The following ESF1 variants were observed in gnomAD, a reference collection of about 807,000 sequenced individuals.
ESF1 encodes the protein ESF1 homolog.
A neutral mutation model predicts 92.0 loss-of-function variants in ESF1; 58 were observed. The ratio of observed to expected loss-of-function variants is 0.63; its 90% confidence interval spans 0.51 to 0.78. The LOEUF is 0.78. ESF1 is among the 30% of genes least tolerant of loss of function. ESF1 has a pLI of 0.00. For synonymous variants in ESF1, 321 were observed against 313.7 expected (o/e 1.02, Z -0.24); for missense variants, 922 against 989.1 (o/e 0.93, Z 0.91).
intron 9 of ESF1, among the ~76,000 whole-genome samples, chr20:13,742,530 A>G (rs2050021237): frequency 6.6e-6 from 1 of 152,146 alleles, no homozygotes; most frequent in African/African-American, 2.4e-5. Context: ...TTATACTCCT[A>G]ACACAAATAC....
intron 8 of ESF1, among the ~76,000 whole-genome samples, chr20:13,760,864 C>G (rs1036026445): frequency 2.0e-5 from 3 of 152,256 alleles, no homozygotes; most frequent in Admixed American, 6.5e-5. Context: ...CCGGCCACCA[C>G]CCCGTCTGGG....
intron 11 of ESF1, among the ~76,000 whole-genome samples, chr20:13,720,365 T>A (rs1266625025): frequency 6.6e-6 from 1 of 152,016 alleles, no homozygotes; most frequent in Non-Finnish European, 1.5e-5. Flanking sequence ...CCTCAGCAAG[T>A]CATCTTTGGA....
At position 13,772,536 on chromosome 20, in the gene ESF1, T is replaced by C. The variant is rs756665691; in HGVS notation, c.1229A>G (p.Glu410Gly). The change falls in exon 5 of 14, where the codon GAA (glutamate) becomes GGA (glycine). Residue 410 changes from glutamate to glycine, a missense_variant. Glu to Gly is a moderately conservative substitution (Grantham distance 98). Transcript: ENST00000617257. ...ATACCAGTCTTTTTCTGGGGCATCT[T>C]CAGGAATACTTAATAGCTCTACTGG... ...QGPVELLSIP[E>G]DAPEKDWTSR... The C allele has an allele frequency of 3.1e-6, 5 of 1,612,020 alleles. No homozygotes were observed. In the Admixed American group the frequency reaches 5.0e-5, roughly 16 times the overall value.
chr20:13,725,116 C>G (rs2049892798), intron 11 of ESF1, among the ~76,000 whole-genome samples: 1 of 152,228 alleles, frequency 6.6e-6, no homozygotes, highest in South Asian at 2.1e-4. Context: ...CTCCTGCACC[C>G]TGCCCCCTCC....
intron 8 of ESF1, chr20:13,762,854 GTTTTTTTTTTT>G (rs33986564): frequency 3.7e-5 from 7 of 186,860 alleles, no homozygotes; most frequent in African/African-American, 2.0e-4. Flanking sequence ...ATTTATTAAA[GTTTTTTTTTTT>G]TTTTTTTTTT....
At position 13,715,440 on chromosome 20, in the gene ESF1, C is replaced by T. The variant is rs1013634731; in HGVS notation, c.2263-273G>A. Among the ~76,000 whole-genome samples the T allele has an allele frequency of 4.6e-5, 7 of 151,996 alleles. No individual in the cohort carries two copies. In the South Asian group the frequency reaches 8.3e-4, roughly 18 times the overall value. ...GGGCCATACATATACATATTATGGC[C>T]GGTAACTACAACGACCACTTAGACA... On this transcript the variant is annotated intron_variant, in intron 13 of 13. Coordinates refer to ENST00000617257, the MANE Select transcript of ESF1 (RefSeq NM_001276380.2).
At chr20:13,748,319 T>A (rs1382841392) in intron 9 of ESF1, among the ~76,000 whole-genome samples, 1 of 151,848 alleles carries the variant, frequency 6.6e-6, no homozygotes, top group Non-Finnish European at 1.5e-5. Context: ...TAATGTAGTA[T>A]TGTGTGTGAA....
chr20:13,752,920 TGTGAGACAGTAAGAGAAGTCCTTGCCAGC>T lies in ESF1; in HGVS notation c.1828+6743_1828+6771del, dbSNP rs1255603897. On this transcript the variant is annotated intron_variant, in intron 9 of 13. Transcript: ENST00000617257. ...AGTCAAAAAGGGACTCCTCTTGCTG[TGTGAGACAGTAAGAGAAGTCCTTGCCAGC>T]GTGAGACAGTAAGGGGCACCTCTAG... Among the ~76,000 whole-genome samples, 3 of 152,294 alleles carry T rather than the reference TGTGAGACAGTAAGAGAAGTCCTTGCCAGC, an allele frequency of 2.0e-5. No individual in the cohort carries two copies. The East Asian group carries it at 5.8e-4, about 29-fold the overall frequency.
In ESF1 at chr20:13,755,947, A is replaced by G. The variant is rs185514886; in HGVS notation, c.1828+3745T>C. ...AGTACTTATTTTCCTGAAGAGGTTA[A>G]TATTTTGGAGAGTCAAGCCACAGAA... On this transcript the variant is annotated intron_variant, in intron 9 of 13. Transcript: ENST00000617257. 2.1e-3 allele frequency among the ~76,000 whole-genome samples: 313 copies of G among 152,328 alleles called. 1 individual carries two copies. The highest frequency in any genetic ancestry group is 3.9e-3 in the Admixed American group (60 of 15,302).
intron 9 of ESF1, among the ~76,000 whole-genome samples, chr20:13,751,849 G>A (rs1279739787): frequency 6.6e-6 from 1 of 152,086 alleles, no homozygotes; most frequent in Non-Finnish European, 1.5e-5. Context: ...ACAAAAATTA[G>A]CTGGGCGTAG....
intron 10 of ESF1, among the ~76,000 whole-genome samples, chr20:13,731,706 G>A (rs1600270278): frequency 6.6e-6 from 1 of 152,138 alleles, no homozygotes; most frequent in East Asian, 1.9e-4. Context: ...CTTAGCCCTT[G>A]CTATAGTCTT....
chr20:13,765,020 C>T (rs779622805), intron 8 of ESF1, among the ~76,000 whole-genome samples: 72 of 152,026 alleles, frequency 4.7e-4, no homozygotes, highest in Non-Finnish European at 8.2e-4. Flanking sequence ...GTCAGGAGTT[C>T]GAGACCAGCC....
rs545596241 is a variant in ESF1 at position 13,762,134 on chromosome 20, A to G, written c.1667-2281T>C. 5.9e-5 allele frequency among the ~76,000 whole-genome samples: 9 copies of G among 152,196 alleles called. No homozygotes were observed. The East Asian group carries it at 1.7e-3, about 29-fold the overall frequency. On this transcript the variant is annotated intron_variant, in intron 8 of 13. Transcript: ENST00000617257. The stretch of plus-strand genomic sequence containing the variant: ...TTTTTTCTTTTTTCAGCAAGTCCTT[A>G]TATCATCAATGTCCTTATATCTTAA...
At chr20:13,736,656 C>T (rs542208455) in intron 9 of ESF1, among the ~76,000 whole-genome samples, 2 of 152,196 alleles carry the variant, frequency 1.3e-5, no homozygotes, top group South Asian at 2.1e-4. Flanking sequence ...TTCTCTCTAA[C>T]AGAAAATGAA....
At chr20:13,740,715 T>G (rs1484204824) in intron 9 of ESF1, among the ~76,000 whole-genome samples, 5 of 152,050 alleles carry the variant, frequency 3.3e-5, no homozygotes, top group Non-Finnish European at 7.4e-5. Flanking sequence ...TACATCAGAG[T>G]GCAACTCTAG....
intron 4 of ESF1, among the ~76,000 whole-genome samples, chr20:13,773,392 TC>T (rs1979777664): frequency 1.3e-5 from 2 of 152,232 alleles, no homozygotes; most frequent in South Asian, 4.1e-4. Flanking sequence ...ATCTTTTGAT[TC>T]TTTTTTTTCC....
At position 13,775,163 on chromosome 20, in the gene ESF1, G is replaced by A. The variant is rs6079173; in HGVS notation, c.1143C>T (p.Ser381=). 6.3e-5 allele frequency: 99 copies of A among 1,579,976 alleles called. No homozygotes were observed. Among genetic ancestry groups the A allele is most frequent in the East Asian group, 5.0e-4 (22 of 44,352 alleles). ...AAATGAAATCAATTCTCACCTTGACGGAAAATATTACACCTCCTTTGGGTT... is the reference window on the plus strand; with the variant it reads ...AAATGAAATCAATTCTCACCTTGACAGAAAATATTACACCTCCTTTGGGTT... ...SFKPKGGVIF[S]VKIYPSEFGK... is the part of the protein sequence containing the mutation. The change falls in exon 4 of 14, where the codon TCC becomes TCT. Residue 381 remains serine (S), a synonymous_variant. Coordinates refer to ENST00000617257, the MANE Select transcript of ESF1 (RefSeq NM_001276380.2).
At chr20:13,734,700 T>C (rs2049965098) in intron 9 of ESF1, among the ~76,000 whole-genome samples, 1 of 152,140 alleles carries the variant, frequency 6.6e-6, no homozygotes, top group African/African-American at 2.4e-5. Flanking sequence ...AAAGATGTTT[T>C]TTATTTTGTA....
At chr20:13,747,442 C>A (rs1235488935) in intron 9 of ESF1, among the ~76,000 whole-genome samples, 1 of 151,664 alleles carries the variant, frequency 6.6e-6, no homozygotes, top group Non-Finnish European at 1.5e-5. Context: ...ACCTGTAGTC[C>A]CAGCTACTCG....
Sources: allele counts gnomAD v4.1 joint callset (sites outside exome capture counted in the v4.1 genomes callset), GRCh38; gene constraint gnomAD v4.1.1; transcripts MANE v1.5; gene names NCBI Gene and HGNC (gene_info 2026-07-23, HGNC 2026-07-21).